CACNG4: variants seen among roughly 807,000 people sequenced by gnomAD.
CACNG4 encodes the protein voltage-dependent calcium channel gamma-4 subunit.
CACNG4 carries 8 observed loss-of-function variants against 22.9 expected under a neutral mutation model. The observed-to-expected ratio is 0.35, with a 90% CI of 0.21 to 0.63. The LOEUF is 0.63. Among genes scored for constraint, CACNG4 ranks in the 30% least tolerant of loss-of-function variants. The pLI is 0.72. For synonymous variants in CACNG4, 188 were observed against 191.9 expected (o/e 0.98, Z 0.17); for missense variants, 357 against 455.4 (o/e 0.78, Z 1.97).
intron 1 of CACNG4, among the ~76,000 whole-genome samples, chr17:66,998,678 G>A (rs574263745): frequency 1.3e-5 from 2 of 152,216 alleles, no homozygotes; most frequent in East Asian, 3.9e-4. Context: ...GCTCACCCAG[G>A]GCCAGACCCT....
intron 1 of CACNG4, among the ~76,000 whole-genome samples, chr17:66,987,300 C>T (rs543982567): frequency 2.6e-5 from 4 of 151,938 alleles, no homozygotes; most frequent in South Asian, 2.1e-4. Context: ...ATTTAGATTC[C>T]CAGACCCTCA....
chr17:66,969,162 G>A (rs2035189321), intron 1 of CACNG4, among the ~76,000 whole-genome samples: 1 of 152,240 alleles, frequency 6.6e-6, no homozygotes, highest in Non-Finnish European at 1.5e-5. Flanking sequence ...GGACAGAAGA[G>A]CCCGTGTAGA....
intron 1 of CACNG4, among the ~76,000 whole-genome samples, chr17:66,978,405 G>T (rs922421563): frequency 6.6e-6 from 1 of 152,150 alleles, no homozygotes; most frequent in Non-Finnish European, 1.5e-5. Flanking sequence ...GGGACCCAGA[G>T]TGAAGATGGG....
At chr17:66,986,642 G>A (rs917039899) in intron 1 of CACNG4, among the ~76,000 whole-genome samples, 4 of 152,206 alleles carry the variant, frequency 2.6e-5, no homozygotes, top group African/African-American at 4.8e-5. Flanking sequence ...CAAGGCTTGC[G>A]TCTTAACTAA....
chr17:66,965,136 G>T lies in CACNG4; in HGVS notation c.220+5G>T. On this transcript the variant is annotated splice_donor_5th_base_variant and intron_variant, in intron 1 of 3. Transcript: ENST00000262138. ...GGCGGGTGTGCTGCATCGAAGGTACGGCCAGCCCCGACCCCTCGCCGCCCC... is the reference window on the plus strand; with the variant it reads ...GGCGGGTGTGCTGCATCGAAGGTACTGCCAGCCCCGACCCCTCGCCGCCCC... The T allele has an allele frequency of 6.6e-7, 1 of 1,517,388 alleles. No individual in the cohort carries two copies. Among genetic ancestry groups the T allele is most frequent in the East Asian group, 2.5e-5 (1 of 40,010 alleles). 94.0% of individuals were successfully genotyped at this position (1,517,388 alleles called of 1,614,324 possible).
chr17:67,010,355 C>G (rs1212631043), intron 1 of CACNG4, among the ~76,000 whole-genome samples: 1 of 152,146 alleles, frequency 6.6e-6, no homozygotes, highest in Non-Finnish European at 1.5e-5. Flanking sequence ...GCTTCCCCAT[C>G]ATGCTGAAGC....
chr17:67,025,230 T>A (rs2035556929), intron 3 of CACNG4, among the ~76,000 whole-genome samples: 1 of 152,250 alleles, frequency 6.6e-6, no homozygotes, highest in Non-Finnish European at 1.5e-5. Flanking sequence ...ATGTTTTGGA[T>A]GCTTGCACAA....
chr17:66,990,871 G>A (rs1031057158), intron 1 of CACNG4, among the ~76,000 whole-genome samples: 4 of 151,556 alleles, frequency 2.6e-5, no homozygotes, highest in Admixed American at 6.6e-5. Flanking sequence ...TAGTAGAGAC[G>A]GGGTTTCACC....
rs775182785 is a variant in CACNG4 at position 66,965,158 on chromosome 17, CCCCACACA to C, written c.220+29_220+36del. 1.7e-4 allele frequency: 119 copies of C among 703,696 alleles called. 3 individuals carry two copies. Among genetic ancestry groups the C allele is most frequent in the African/African-American group, 2.7e-4 (9 of 33,488 alleles). 43.6% of individuals were successfully genotyped at this position (703,696 alleles called of 1,614,324 possible). Reference sequence around the variant, plus strand: ...TACGGCCAGCCCCGACCCCTCGCCGCCCCACACACACACACACACACACACACATATAC... The same window carrying C: ...TACGGCCAGCCCCGACCCCTCGCCGCCACACACACACACACACACATATAC... On this transcript the variant is annotated intron_variant, in intron 1 of 3. Coordinates refer to ENST00000262138, the MANE Select transcript of CACNG4 (RefSeq NM_014405.4).
intron 1 of CACNG4, among the ~76,000 whole-genome samples, chr17:66,996,253 A>AT (rs11384383): frequency 0.23 from 35,216 of 150,242 alleles, 7,427 homozygotes; most frequent in African/African-American, 0.57. Context: ...GGCAGAGTGG[A>AT]TTTTTTTTTC....
At chr17:66,965,171 C>A in intron 1 of CACNG4, 40 bp downstream of exon 1, 1 of 1,114,514 alleles carries the variant, frequency 9.0e-7, no homozygotes, top group Non-Finnish European at 1.3e-6. Context: ...CACACACACA[C>A]ACACACACAC....
intron 3 of CACNG4, among the ~76,000 whole-genome samples, chr17:67,028,784 A>G (rs2035584178): frequency 6.6e-6 from 1 of 152,244 alleles, no homozygotes; most frequent in Non-Finnish European, 1.5e-5. Flanking sequence ...TGGTAGAACC[A>G]GAACTCAAAC....
At chr17:66,986,105 G>T (rs1022905415) in intron 1 of CACNG4, among the ~76,000 whole-genome samples, 1 of 152,248 alleles carries the variant, frequency 6.6e-6, no homozygotes, top group Non-Finnish European at 1.5e-5. Context: ...CAGAGGGATT[G>T]TTCCCGGATG....
At chr17:66,987,421 A>G (rs528761703) in intron 1 of CACNG4, among the ~76,000 whole-genome samples, 1 of 152,144 alleles carries the variant, frequency 6.6e-6, no homozygotes, top group African/African-American at 2.4e-5. Flanking sequence ...TGCTTACTAA[A>G]TGGTCATTAT....
chr17:66,965,737 G>T (rs2035166021), intron 1 of CACNG4, among the ~76,000 whole-genome samples: 1 of 151,592 alleles, frequency 6.6e-6, no homozygotes, highest in South Asian at 2.1e-4. Flanking sequence ...CGGGGGCGCG[G>T]TCGGAGCCGG....
intron 1 of CACNG4, among the ~76,000 whole-genome samples, chr17:67,015,230 GATGA>G (rs1412343664): frequency 6.6e-6 from 1 of 152,208 alleles, no homozygotes; most frequent in African/African-American, 2.4e-5. Context: ...TGACAGCTTG[GATGA>G]ATCCTTAGGG....
intron 1 of CACNG4, among the ~76,000 whole-genome samples, chr17:66,978,426 AG>A (rs1205726123): frequency 6.6e-6 from 1 of 152,146 alleles, no homozygotes; most frequent in East Asian, 1.9e-4. Flanking sequence ...TCTCAGAGGA[AG>A]GGGGGCTTCG....
Position 67,027,581 on chromosome 17 carries a change from C to T in CACNG4, c.445+2581C>T, listed in dbSNP as rs756218973. Among the ~76,000 whole-genome samples, 11 of 152,092 alleles carry T rather than the reference C, an allele frequency of 7.2e-5. No individual in the cohort carries two copies. The highest frequency in any genetic ancestry group is 1.6e-4 in the Non-Finnish European group (11 of 68,006). On this transcript the variant is annotated intron_variant, in intron 3 of 3. Transcript: ENST00000262138. This position sits in a 1 kb window ranked among gnomAD's most constrained non-coding sequence, Gnocchi z 4.3. ...CACAGGAGAGGGACAGTTTCCAAGG[C>T]TGGGAAAGTCAGAAGAAGACACAAG...
intron 1 of CACNG4, among the ~76,000 whole-genome samples, chr17:66,968,003 G>A (rs1157439386): frequency 6.6e-6 from 1 of 152,202 alleles, no homozygotes; most frequent in African/African-American, 2.4e-5. Flanking sequence ...CTGCTGGAAA[G>A]TGTCCAAAAT....
Sources: gnomAD v4.1 joint callset for allele counts (sites outside exome capture counted in the v4.1 genomes callset) on GRCh38, gnomAD v4.1.1 for gene constraint, Gnocchi (gnomAD v3.1) non-coding constraint, MANE v1.5 for transcripts, NCBI Gene and HGNC (gene_info 2026-07-23, HGNC 2026-07-21) for gene names.